Variants in C8orf34 observed in about 807,000 individuals in gnomAD.
C8orf34 encodes the protein chromosome 8 open reading frame 34, also known as uncharacterized protein C8orf34.
In C8orf34, 65 loss-of-function variants were observed where a neutral mutation model predicts 68.3. The observed-to-expected ratio is 0.95, with a 90% CI of 0.78 to 1.17. The LOEUF (loss-of-function observed/expected upper bound fraction) is 1.17. Ranked by LOEUF, C8orf34 falls within the 50% of genes most tolerant of loss-of-function variation. The pLI, the probability that C8orf34 is intolerant of heterozygous loss-of-function variation, is 0.00. For synonymous variants in C8orf34, 244 were observed against 241.2 expected (o/e 1.01, Z -0.11); for missense variants, 664 against 655.4 (o/e 1.01, Z -0.14).
chr8:68,559,116 T>A (rs1265944125), intron 7 of C8orf34, among the ~76,000 whole-genome samples: 1 of 152,164 alleles, frequency 6.6e-6, no homozygotes, highest in East Asian at 1.9e-4. Flanking sequence ...TATTTACATT[T>A]TAAAAAGTTA....
intron 7 of C8orf34, among the ~76,000 whole-genome samples, chr8:68,543,550 T>A (rs1179721662): frequency 6.6e-6 from 1 of 152,136 alleles, no homozygotes; most frequent in African/African-American, 2.4e-5. Flanking sequence ...AAACATACAG[T>A]GGATCAGGCA....
chr8:68,386,456 CAT>C (rs1354217256), intron 1 of C8orf34, among the ~76,000 whole-genome samples: 3 of 152,192 alleles, frequency 2.0e-5, no homozygotes, highest in East Asian at 3.9e-4. Context: ...TTGTATAAAA[CAT>C]ATATTTATTC....
chr8:68,698,625 C>A (rs897346125), intron 8 of C8orf34, among the ~76,000 whole-genome samples: 1 of 151,996 alleles, frequency 6.6e-6, no homozygotes, highest in Non-Finnish European at 1.5e-5. Flanking sequence ...CAGGTTTTGG[C>A]GATTTTTCAA....
intron 10 of C8orf34, among the ~76,000 whole-genome samples, chr8:68,751,586 G>T (rs1822710940): frequency 6.6e-6 from 1 of 152,102 alleles, no homozygotes; most frequent in African/African-American, 2.4e-5. Flanking sequence ...ACACAGTATT[G>T]AGGGATAAGA....
intron 3 of C8orf34, among the ~76,000 whole-genome samples, chr8:68,450,308 C>T (rs540148418): frequency 1.3e-5 from 2 of 152,148 alleles, no homozygotes; most frequent in East Asian, 3.9e-4. Context: ...TCAAAGTCAT[C>T]CATGAGGGTT....
At chr8:68,345,449 G>T (rs1450254373) in intron 1 of C8orf34, among the ~76,000 whole-genome samples, 1 of 151,932 alleles carries the variant, frequency 6.6e-6, no homozygotes, top group African/African-American at 2.4e-5. Flanking sequence ...ATAGTAGGCA[G>T]ACTTAAAATA....
At chr8:68,457,710 C>T (rs1811613846) in intron 3 of C8orf34, among the ~76,000 whole-genome samples, 1 of 152,122 alleles carries the variant, frequency 6.6e-6, no homozygotes, top group Non-Finnish European at 1.5e-5. Flanking sequence ...AAGCTATTTG[C>T]AAGGTGCTGT....
At chr8:68,793,910 G>C (rs1028668912) in intron 12 of C8orf34, among the ~76,000 whole-genome samples, 1 of 152,046 alleles carries the variant, frequency 6.6e-6, no homozygotes, top group Non-Finnish European at 1.5e-5. Context: ...AATATGGTAC[G>C]TATAAAAATG....
chr8:68,537,475 T>TA (rs139968230), intron 7 of C8orf34, among the ~76,000 whole-genome samples: 26,102 of 151,308 alleles, frequency 0.17, 2,673 homozygotes, highest in African/African-American at 0.29. Context: ...TTTTTTTTTT[T>TA]AAAGAGATCA....
intron 9 of C8orf34, among the ~76,000 whole-genome samples, chr8:68,714,484 C>T (rs1032878981): frequency 2.0e-5 from 3 of 152,048 alleles, no homozygotes; most frequent in Non-Finnish European, 4.4e-5. Flanking sequence ...ACACCAACAG[C>T]GACCAAGCTG....
chr8:68,602,230 G>C (rs1437363003), intron 7 of C8orf34, among the ~76,000 whole-genome samples: 5 of 151,984 alleles, frequency 3.3e-5, no homozygotes, highest in Non-Finnish European at 7.4e-5. Context: ...TCTAATCATT[G>C]ATATCGATGG....
chr8:68,603,524 T>TCTAC (rs1554583989), intron 7 of C8orf34, among the ~76,000 whole-genome samples: 1 of 120,400 alleles, frequency 8.3e-6, no homozygotes, highest in East Asian at 2.7e-4. Context: ...TATACATATA[T>TCTAC]CTATCTATCT....
At chr8:68,680,922 C>T (rs368680504) in intron 8 of C8orf34, among the ~76,000 whole-genome samples, 6 of 151,978 alleles carry the variant, frequency 3.9e-5, no homozygotes, top group African/African-American at 1.2e-4. Context: ...ACTCCCAGAG[C>T]GGCCGTGTAT....
chr8:68,392,043 AG>A (rs1215978111), intron 1 of C8orf34, among the ~76,000 whole-genome samples: 2 of 152,290 alleles, frequency 1.3e-5, no homozygotes, highest in African/African-American at 2.4e-5. Context: ...TTGTTGGTAA[AG>A]GGTAGCTGAC....
chr8:68,614,282 T>C (rs1291833494), intron 7 of C8orf34, among the ~76,000 whole-genome samples: 1 of 152,144 alleles, frequency 6.6e-6, no homozygotes, highest in Non-Finnish European at 1.5e-5. Flanking sequence ...GTGCAGAAGC[T>C]CTTTAGTTTA....
chr8:68,421,749 G>T (rs540602727), intron 1 of C8orf34, among the ~76,000 whole-genome samples: 7 of 152,270 alleles, frequency 4.6e-5, no homozygotes, highest in Admixed American at 1.3e-4. Flanking sequence ...AAGACCTGTT[G>T]TATTGGTCTG....
chr8:68,739,167 C>T (rs1162079936), intron 10 of C8orf34, among the ~76,000 whole-genome samples: 7 of 152,002 alleles, frequency 4.6e-5, no homozygotes, highest in African/African-American at 1.4e-4. Flanking sequence ...TGGTTCATCA[C>T]ATAAACAGAA....
At chr8:68,806,037 GT>G (rs554835045) in intron 12 of C8orf34, among the ~76,000 whole-genome samples, 1 of 152,076 alleles carries the variant, frequency 6.6e-6, no homozygotes, top group Admixed American at 6.5e-5. Context: ...TTGCAACAAT[GT>G]ATTGTTTAAT....
chr8:68,706,029 T>C (rs938345613), intron 8 of C8orf34, among the ~76,000 whole-genome samples: 5 of 152,212 alleles, frequency 3.3e-5, no homozygotes, highest in African/African-American at 1.2e-4. Flanking sequence ...ATAATTGTTC[T>C]GGGTGACACA....
Sources: allele counts gnomAD v4.1 joint callset (sites outside exome capture counted in the v4.1 genomes callset), GRCh38; gene constraint gnomAD v4.1.1; transcripts MANE v1.5; gene names NCBI Gene and HGNC (gene_info 2026-07-23, HGNC 2026-07-21).